Variants in QRICH2 observed in about 807,000 individuals in gnomAD.
The protein encoded by QRICH2 is glutamine-rich protein 2.
A neutral mutation model predicts 168.3 loss-of-function variants in QRICH2; 119 were observed. That is an observed-to-expected ratio of 0.71 (90% CI 0.61 to 0.82). The LOEUF is 0.82. QRICH2 is among the 40% of genes least tolerant of loss of function. The probability of loss-of-function intolerance (pLI) is 0.00; values close to 1 mark genes in which losing one functional copy is unlikely to be tolerated. For missense variants in QRICH2, 2,241 were observed against 2,491.6 expected (o/e 0.90, Z 2.14); for synonymous variants, 894 against 951.2 (o/e 0.94, Z 1.11).
In QRICH2 at chr17:76,308,229, C is replaced by A; in HGVS notation, c.-231G>T. The A allele has an allele frequency of 1.0e-6, 1 of 985,436 alleles. No individual in the cohort carries two copies. The allele number at this position is 985,436 out of a possible 1,614,324, so 61.0% of individuals were successfully genotyped here. The stretch of plus-strand genomic sequence containing the variant: ...CCGCTGTCTGTCGCTGGCCTCGGGT[C>A]CCCGAGCTGGAGCCCTGGACTCCCA... On this transcript the variant is annotated 5_prime_UTR_variant, in exon 1 of 19. Coordinates refer to ENST00000680821, the MANE Select transcript of QRICH2 (RefSeq NM_001388453.1).
In QRICH2 at chr17:76,307,507, C is replaced by T. The variant is rs776426006; in HGVS notation, c.492G>A (p.Gly164=). Residue 164 remains glycine (G), a synonymous_variant, in exon 1 of 19, where the codon GGG becomes GGA. Transcript: ENST00000680821. This position sits in a 1 kb window ranked among gnomAD's most constrained non-coding sequence, Gnocchi z 5.3. The part of the protein sequence containing the change: ...GVRAFDRVRT[G]SIMKDAAEEL... Reference sequence around the variant, plus strand: ...CCTCGGCGGCGTCCTTCATGATACTCCCAGTCCGCACCCTATCGAACGCCC... The same window carrying T: ...CCTCGGCGGCGTCCTTCATGATACTTCCAGTCCGCACCCTATCGAACGCCC... 4 of 1,613,738 alleles carry T rather than the reference C, an allele frequency of 2.5e-6. No homozygotes were observed. The highest frequency in any genetic ancestry group is 3.4e-6 in the Non-Finnish European group (4 of 1,179,788).
intron 1 of QRICH2, 76 bp from the exon 2 acceptor site, chr17:76,305,017 GCGCA>G (rs750552113): frequency 3.8e-5 from 36 of 942,404 alleles, no homozygotes; most frequent in Admixed American, 1.5e-4. Context: ...ACACACAGAT[GCGCA>G]CACACACTCT....
chr17:76,279,476 A>G, intron 12 of QRICH2, 48 bp from the exon 13 acceptor site: 1 of 1,491,864 alleles, frequency 6.7e-7, no homozygotes, highest in East Asian at 2.4e-5. Flanking sequence ...TGCCCGGAAG[A>G]CCCAGAAGGG....
At chr17:76,284,964 T>C (rs1483554084) in intron 7 of QRICH2, among the ~76,000 whole-genome samples, 1 of 151,800 alleles carries the variant, frequency 6.6e-6, no homozygotes, top group Admixed American at 6.6e-5. Flanking sequence ...CTATAATTTT[T>C]TTTTTTTTTT....
chr17:76,301,872 TTGTGTGTGTGTG>T (rs139933188), intron 3 of QRICH2, among the ~76,000 whole-genome samples: 82 of 136,262 alleles, frequency 6.0e-4, no homozygotes, highest in African/African-American at 1.6e-3. Flanking sequence ...CTGGCTAATT[TTGTGTGTGTGTG>T]TGTGTGTGTG....
At position 76,283,032 on chromosome 17, in the gene QRICH2, G is replaced by C. The variant is rs150601508; in HGVS notation, c.4012-917C>G. On this transcript the variant is annotated intron_variant, in intron 7 of 18. Coordinates refer to ENST00000680821, the MANE Select transcript of QRICH2 (RefSeq NM_001388453.1). ...AGGGACAGGTGGGGTGGCCCACCCT[G>C]GCCTGCCCCCATGGCCTGGAAGTTC... is the stretch of plus-strand genomic sequence containing the variant. Among the ~76,000 whole-genome samples, 999 of 152,262 alleles carry C rather than the reference G, an allele frequency of 6.6e-3. 16 individuals carry two copies. Among genetic ancestry groups the C allele is most frequent in the African/African-American group, 0.023 (952 of 41,536 alleles).
At position 76,292,364 on chromosome 17, in the gene QRICH2, T is replaced by G. The variant is rs1321938751; in HGVS notation, c.2363A>C (p.Gln788Pro). 6.3e-7 allele frequency: 1 copy of G among 1,598,412 alleles called. No homozygotes were observed. The highest frequency in any genetic ancestry group is 1.4e-5 in the African/African-American group (1 of 73,492). ...TATACCAGGTTGCACCAAACTACGCTGAACTTCACCAGGTTGTGCCAAACC... is the reference window on the plus strand; with the variant it reads ...TATACCAGGTTGCACCAAACTACGCGGAACTTCACCAGGTTGTGCCAAACC... ...QHGLAQPGEVQRSLVQPGIVQ... is the reference protein window; with the variant it reads ...QHGLAQPGEVPRSLVQPGIVQ... The change falls in exon 4 of 19, where the codon CAG becomes CCG. Residue 788 changes from glutamine (Q) to proline (P), a missense_variant. Gln to Pro is a moderately conservative substitution (Grantham distance 76). This residue lies in a region of QRICH2 where 2,047 missense variants were observed against 2,303.8 expected (regional missense o/e 0.89). Coordinates refer to ENST00000680821, the MANE Select transcript of QRICH2 (RefSeq NM_001388453.1).
chr17:76,293,968 T>C lies in QRICH2; in HGVS notation c.759A>G (p.Thr253=), dbSNP rs148593378. 12 of 1,613,954 alleles carry C rather than the reference T, an allele frequency of 7.4e-6. No homozygotes were observed. In the African/African-American group the frequency reaches 1.5e-4, roughly 20 times the overall value. The change falls in exon 4 of 19, where the codon ACA becomes ACG. Residue 253 remains threonine (T), a synonymous_variant. Coordinates refer to ENST00000680821, the MANE Select transcript of QRICH2 (RefSeq NM_001388453.1). ...FSKHGGFTSL[T]SPEGTLSGDS... is the part of the protein sequence containing the mutation. ...CTCCGCTTAGAGTCCCTTCAGGTGA[T>C]GTTAAGGAAGTGAACCCTCCGTGCT...
At position 76,280,477 on chromosome 17, in the gene QRICH2, C is replaced by T. The variant is rs79706477; in HGVS notation, c.4462-26G>A. On this transcript the variant is annotated intron_variant, in intron 10 of 18. Transcript: ENST00000680821. The surrounding 1 kb of genome is among the most constrained non-coding windows in gnomAD (Gnocchi z 7.4). ...CTGCCCAGAGACAGACAGAGGTCCC[C>T]GCATCTGGGAGATGGCCATGGAGGG... The T allele has an allele frequency of 6.3e-4, 1,015 of 1,610,510 alleles. 11 individuals are homozygous for T. The East Asian group carries it at 0.018, about 29-fold the overall frequency.
intron 7 of QRICH2, among the ~76,000 whole-genome samples, chr17:76,283,757 T>C (rs59223834): frequency 1.4e-5 from 2 of 142,590 alleles, no homozygotes; most frequent in Non-Finnish European, 2.9e-5. Flanking sequence ...GCCTGTAGTC[T>C]CAGCTACTTG....
At chr17:76,301,245 A>G (rs932229030) in intron 3 of QRICH2, among the ~76,000 whole-genome samples, 3 of 150,982 alleles carry the variant, frequency 2.0e-5, no homozygotes, top group African/African-American at 7.3e-5. Flanking sequence ...ATGCCCTAAC[A>G]TTACAACAAA....
chr17:76,280,771 G>T lies in QRICH2; in HGVS notation c.4387-43C>A, dbSNP rs767420924. 3.7e-6 allele frequency: 6 copies of T among 1,613,888 alleles called. No individual in the cohort carries two copies. In the African/African-American group the frequency reaches 8.0e-5, roughly 22 times the overall value. On this transcript the variant is annotated intron_variant, in intron 9 of 18. Coordinates refer to ENST00000680821, the MANE Select transcript of QRICH2 (RefSeq NM_001388453.1). The surrounding 1 kb of genome is among the most constrained non-coding windows in gnomAD (Gnocchi z 7.4). ...ACAGAGAAAAAAAGAGCCAGCAGCT[G>T]CGGGGCTAGGGCACCACATTGAGCC... is the stretch of plus-strand genomic sequence containing the variant.
At chr17:76,299,541 AG>A (rs2070860853) in intron 3 of QRICH2, among the ~76,000 whole-genome samples, 1 of 151,986 alleles carries the variant, frequency 6.6e-6, no homozygotes, top group South Asian at 2.1e-4. Context: ...GTTCGAGCCC[AG>A]CCTGGACAAC....
rs2070797885 is a variant in QRICH2 at position 76,282,021 on chromosome 17, G to A, written c.4106C>T (p.Ala1369Val). 5 of 1,613,604 alleles carry A rather than the reference G, an allele frequency of 3.1e-6. No individual in the cohort carries two copies. The highest frequency in any genetic ancestry group is 4.2e-6 in the Non-Finnish European group (5 of 1,179,808). Residue 1369 changes from alanine (A) to valine (V), a missense_variant, in exon 8 of 19, where the codon GCT becomes GTT. Physicochemically the swap from Ala to Val is moderately conservative, Grantham distance 64. This residue lies in a region of QRICH2 where 2,047 missense variants were observed against 2,303.8 expected (regional missense o/e 0.89). Transcript: ENST00000680821. The stretch of plus-strand genomic sequence containing the variant: ...GGCCTCAGGGTCGATCTGGCCAGGA[G>A]CCAAGGTGTGGGCCTTGTGCGGGGC... ...SMAPHKAHTL[A>V]PGQIDPEATC... is the part of the protein sequence containing the mutation.
chr17:76,291,052 G>A lies in QRICH2; in HGVS notation c.3675C>T (p.Thr1225=), dbSNP rs746553412. ...GCAGGAACTGGATCTTCTCCAAGTC[G>A]GTTTGGCCGGCCTGCTCCTCATCCA... The part of the protein sequence containing the change: ...KDLDEEQAGQ[T]DLEKIQFLLA... Residue 1225 remains threonine, a synonymous_variant, in exon 4 of 19, where the codon ACC becomes ACT. Coordinates refer to ENST00000680821, the MANE Select transcript of QRICH2 (RefSeq NM_001388453.1). 2.9e-5 allele frequency: 46 copies of A among 1,613,774 alleles called. No individual in the cohort carries two copies. The highest frequency in any genetic ancestry group is 4.0e-5 in the African/African-American group (3 of 74,920).
chr17:76,280,399 G>A lies in QRICH2; in HGVS notation c.4514C>T (p.Ala1505Val), dbSNP rs753549362. The stretch of plus-strand genomic sequence containing the variant: ...CATGTGGTTCAGCTGCTCCGTGGTG[G>A]CATCAAACTGGACACGGCTCACTTT... ...ATKVSRVQFDATTEQLNHMMQ... is the reference protein window; with the variant it reads ...ATKVSRVQFDVTTEQLNHMMQ... The change falls in exon 11 of 19, where the codon GCC becomes GTC. Residue 1505 changes from alanine to valine, a missense_variant. This residue lies in a region of QRICH2 where 2,047 missense variants were observed against 2,303.8 expected (regional missense o/e 0.89). Transcript: ENST00000680821. This position sits in a 1 kb window ranked among gnomAD's most constrained non-coding sequence, Gnocchi z 7.4. 2.5e-6 allele frequency: 4 copies of A among 1,614,152 alleles called. No individual in the cohort carries two copies. The highest frequency in any genetic ancestry group is 1.6e-4 in the Middle Eastern group (1 of 6,062).
intron 7 of QRICH2, among the ~76,000 whole-genome samples, chr17:76,284,747 G>T (rs927656519): frequency 4.6e-5 from 7 of 151,728 alleles, no homozygotes; most frequent in Non-Finnish European, 8.8e-5. Flanking sequence ...GAACTCAGAG[G>T]GCGGAGGTTG....
chr17:76,283,871 T>C (rs1364551805), intron 7 of QRICH2, among the ~76,000 whole-genome samples: 1 of 92,436 alleles, frequency 1.1e-5, no homozygotes, highest in Non-Finnish European at 1.8e-5. Context: ...CGAAACTCTG[T>C]CTCAAAAAAA....
At chr17:76,296,778 A>C (rs2070800402) in intron 3 of QRICH2, among the ~76,000 whole-genome samples, 1 of 48,472 alleles carries the variant, frequency 2.1e-5, no homozygotes, top group African/African-American at 1.2e-4. Flanking sequence ...GCTCTGTCTC[A>C]AAAAAAAAAA....
Sources: gnomAD v4.1 joint callset for allele counts (sites outside exome capture counted in the v4.1 genomes callset) on GRCh38, gnomAD v4.1.1 for gene constraint, gnomAD v4.1.1 regional missense constraint, Gnocchi (gnomAD v3.1) non-coding constraint, MANE v1.5 for transcripts, NCBI Gene and HGNC (gene_info 2026-07-23, HGNC 2026-07-21) for gene names.